The following DBNL variants were observed in gnomAD, a reference collection of about 807,000 sequenced individuals.
DBNL encodes the protein drebrin like.
Under a neutral mutation model 62.2 loss-of-function variants are expected in DBNL, and 35 were observed. That is an observed-to-expected ratio of 0.56 (90% CI 0.43 to 0.75). The LOEUF (loss-of-function observed/expected upper bound fraction) is 0.75. Ranked by LOEUF, DBNL falls within the 30% of genes least tolerant of loss-of-function variation. DBNL has a pLI of 0.00. For synonymous variants in DBNL, 197 were observed against 218.0 expected, an observed-to-expected ratio of 0.90 and a Z score of 0.85; for missense variants, 495 against 578.4, an observed-to-expected ratio of 0.86 and a Z score of 1.48.
Position 44,066,052 on chromosome 7 carries a change from TGGAGA to T in DBNL, c.*5141_*5145del, listed in dbSNP as rs1356781473. ...GGAGCTGGTGCAGACCACAGCTTTGTGGAGAGGAGTCTGGCCTTGTGGAAGGTACC... is the reference window on the plus strand; with the variant it reads ...GGAGCTGGTGCAGACCACAGCTTTGTGGAGTCTGGCCTTGTGGAAGGTACC... On this transcript the variant is annotated 3_prime_UTR_variant, in exon 13 of 13. Coordinates refer to ENST00000448521, the MANE Select transcript of DBNL (RefSeq NM_001014436.3). 6.7e-5 allele frequency: 15 copies of T among 224,802 alleles called. No individual in the cohort carries two copies. The South Asian group carries it at 9.1e-4, about 14-fold the overall frequency. The allele number at this position is 224,802 out of a possible 1,614,324, so 13.9% of individuals were successfully genotyped here. A position where few individuals can be genotyped will look rare whatever the true frequency, so the allele number is the denominator to read the frequency against.
In DBNL at chr7:44,058,183, C is replaced by T. The variant is rs761870389; in HGVS notation, c.607C>T (p.Arg203Trp). ...EEKRRAEEAQRQLEQERRERE... is the reference protein window; with the variant it reads ...EEKRRAEEAQWQLEQERRERE... ...AAAGCGGCGGGCCGAGGAGGCACAG[C>T]GGCAGCTGGAGCAGGAGCGCCGGGA... The change falls in exon 7 of 13, where the codon CGG becomes TGG. Residue 203 changes from arginine (R) to tryptophan (W), a missense_variant. By Grantham distance (101) the Arg-to-Trp change is moderately radical. Coordinates refer to ENST00000448521, the MANE Select transcript of DBNL (RefSeq NM_001014436.3). The T allele has an allele frequency of 1.2e-5, 19 of 1,556,514 alleles. No homozygotes were observed. The Admixed American group carries it at 1.4e-4, about 11-fold the overall frequency.
chr7:44,051,807 C>A (rs2096127104), intron 2 of DBNL, 23 bp from the exon 3 acceptor site: 1 of 1,612,578 alleles, frequency 6.2e-7, no homozygotes, highest in Non-Finnish European at 8.5e-7. Flanking sequence ...CCACCCCTGA[C>A]CTTCACTGTG....
At position 44,064,751 on chromosome 7, in the gene DBNL, G is replaced by T; in HGVS notation, c.*3835G>T. On this transcript the variant is annotated 3_prime_UTR_variant, in exon 13 of 13. Coordinates refer to ENST00000448521, the MANE Select transcript of DBNL (RefSeq NM_001014436.3). ...CCACGCCTAGAAAGCCTGGTCCATG[G>T]GCGAGAGACTTTGCTGAGATGAGAA... The T allele has an allele frequency of 8.0e-7, 1 of 1,251,148 alleles. No homozygotes were observed. Among genetic ancestry groups the T allele is most frequent in the Non-Finnish European group, 1.1e-6 (1 of 887,554 alleles). The allele number at this position is 1,251,148 out of a possible 1,614,324, so 77.5% of individuals were successfully genotyped here. A position where few individuals can be genotyped will look rare whatever the true frequency, so the allele number is the denominator to read the frequency against.
In DBNL at chr7:44,059,026, T is replaced by C. The variant is rs570185185; in HGVS notation, c.835+43T>C. 2.5e-6 allele frequency: 4 copies of C among 1,606,266 alleles called. No homozygotes were observed. Among genetic ancestry groups the C allele is most frequent in the South Asian group, 1.1e-5 (1 of 90,796 alleles). On this transcript the variant is annotated intron_variant, in intron 9 of 12. Transcript: ENST00000448521. This position sits in a 1 kb window ranked among gnomAD's most constrained non-coding sequence, Gnocchi z 4.1. ...GCCTGGCCATGAGGCAGCAGCAGGC[T>C]GAGGGGGAGCCTGGGGTCCTATGTG...
intron 4 of DBNL, among the ~76,000 whole-genome samples, chr7:44,055,131 T>C (rs1438066185): frequency 1.3e-5 from 2 of 152,254 alleles, no homozygotes; most frequent in Non-Finnish European, 2.9e-5. Flanking sequence ...CTAGATCATA[T>C]GGTAGTTCTG....
At chr7:44,047,782 C>T (rs993270099) in intron 1 of DBNL, among the ~76,000 whole-genome samples, 1 of 152,096 alleles carries the variant, frequency 6.6e-6, no homozygotes. Context: ...TTCAAAAGGC[C>T]TCTGAACTGG....
chr7:44,059,529 G>T lies in DBNL; in HGVS notation c.932-14G>T. 1 of 1,613,526 alleles carries T rather than the reference G, an allele frequency of 6.2e-7. No homozygotes were observed. ...ATGTGTGGGAGTGAGAACCTGCTGT[G>T]TTCCCTGGTGCAGATCTCCCTGCTG... On this transcript the variant is annotated splice_polypyrimidine_tract_variant and intron_variant, in intron 10 of 12. Coordinates refer to ENST00000448521, the MANE Select transcript of DBNL (RefSeq NM_001014436.3). This position sits in a 1 kb window ranked among gnomAD's most constrained non-coding sequence, Gnocchi z 4.1.
chr7:44,050,331 C>A (rs374262635), intron 2 of DBNL, 51 bp downstream of exon 2: 2 of 1,597,658 alleles, frequency 1.3e-6, no homozygotes, highest in Non-Finnish European at 1.7e-6. Context: ...AGGAGGGTGA[C>A]GACGAGGGGT....
chr7:44,047,756 C>T (rs1340094721), intron 1 of DBNL, among the ~76,000 whole-genome samples: 1 of 152,110 alleles, frequency 6.6e-6, no homozygotes, highest in African/African-American at 2.4e-5. Context: ...TGATTTGAAA[C>T]TTCCTTCGCC....
intron 4 of DBNL, among the ~76,000 whole-genome samples, chr7:44,055,547 C>T (rs2128792452): frequency 6.6e-6 from 1 of 152,292 alleles, no homozygotes; most frequent in South Asian, 2.1e-4. Flanking sequence ...AAGAATTTCC[C>T]TTTCTCCACA....
chr7:44,059,634 G>T lies in DBNL; in HGVS notation c.1023G>T (p.Glu341Asp). ...EAVYEEPPEQETFYEQPPLVQ... is the reference protein window; with the variant it reads ...EAVYEEPPEQDTFYEQPPLVQ... ...TGTATGAGGAACCTCCAGAGCAGGA[G>T]ACCTTCTACGAGCAGCCCCCACTGG... is the stretch of plus-strand genomic sequence containing the variant. Residue 341 changes from glutamate (E) to aspartate (D), a missense_variant, in exon 11 of 13, where the codon GAG becomes GAT. Coordinates refer to ENST00000448521, the MANE Select transcript of DBNL (RefSeq NM_001014436.3). This position sits in a 1 kb window ranked among gnomAD's most constrained non-coding sequence, Gnocchi z 4.1. The T allele has an allele frequency of 6.2e-7, 1 of 1,607,020 alleles. No individual in the cohort carries two copies. Among genetic ancestry groups the T allele is most frequent in the South Asian group, 1.1e-5 (1 of 90,750 alleles).
intron 1 of DBNL, among the ~76,000 whole-genome samples, chr7:44,049,687 G>A (rs1364266889): frequency 6.6e-6 from 1 of 152,194 alleles, no homozygotes; most frequent in East Asian, 1.9e-4. Context: ...AGAGTCTCAA[G>A]CCTGGAAGGA....
intron 2 of DBNL, chr7:44,050,878 G>A (rs1432591316): frequency 1.3e-5 from 2 of 152,656 alleles, no homozygotes; most frequent in African/African-American, 4.8e-5. Flanking sequence ...TCTGTCCTGA[G>A]CTGGACATGG....
At position 44,060,139 on chromosome 7, in the gene DBNL, A is replaced by T. The variant is rs750814459; in HGVS notation, c.1139A>T (p.Tyr380Phe). ...SGQGLCARAL[Y>F]DYQAADDTEI... is the part of the protein sequence containing the mutation. The stretch of plus-strand genomic sequence containing the variant: ...CAAGGGCTCTGTGCCCGTGCCCTGT[A>T]CGACTACCAGGCAGGTAAGGTGCCC... Residue 380 changes from tyrosine to phenylalanine, a missense_variant, in exon 12 of 13, where the codon TAC becomes TTC. Physicochemically the swap from Tyr to Phe is conservative, Grantham distance 22 (BLOSUM62 3). Transcript: ENST00000448521. This position sits in a 1 kb window ranked among gnomAD's most constrained non-coding sequence, Gnocchi z 6.3. 6 of 1,611,376 alleles carry T rather than the reference A, an allele frequency of 3.7e-6. No individual in the cohort carries two copies. In the South Asian group the frequency reaches 6.6e-5, roughly 18 times the overall value.
rs1258117026 is a variant in DBNL at position 44,060,635 on chromosome 7, C to A, written c.1154-142C>A. 2 of 1,249,868 alleles carry A rather than the reference C, an allele frequency of 1.6e-6. No individual in the cohort carries two copies. The highest frequency in any genetic ancestry group is 2.2e-6 in the Non-Finnish European group (2 of 912,230). 77.4% of individuals were successfully genotyped at this position (1,249,868 alleles called of 1,614,324 possible). A position where few individuals can be genotyped will look rare whatever the true frequency, so the allele number is the denominator to read the frequency against. On this transcript the variant is annotated intron_variant, in intron 12 of 12. Transcript: ENST00000448521. This position sits in a 1 kb window ranked among gnomAD's most constrained non-coding sequence, Gnocchi z 6.3. Reference sequence around the variant, plus strand: ...GGGTGCAGTGTTGGCCAAGGCTTAGCAGGGTGGCAGGGATATTTCTGAGGA... The same window carrying A: ...GGGTGCAGTGTTGGCCAAGGCTTAGAAGGGTGGCAGGGATATTTCTGAGGA...
Position 44,059,088 on chromosome 7 carries a change from G to A in DBNL, c.835+105G>A, listed in dbSNP as rs372710041. 6.8e-5 allele frequency: 85 copies of A among 1,251,028 alleles called. No individual in the cohort carries two copies. In the East Asian group the frequency reaches 1.5e-3, roughly 22 times the overall value. 77.5% of individuals were successfully genotyped at this position (1,251,028 alleles called of 1,614,324 possible). A position where few individuals can be genotyped will look rare whatever the true frequency, so the allele number is the denominator to read the frequency against. ...GGCTAGTGACAGATATATCGGTGAC[G>A]GGTGAGTGAGTGAGGAGAAGGGACA... On this transcript the variant is annotated intron_variant, in intron 9 of 12. Coordinates refer to ENST00000448521, the MANE Select transcript of DBNL (RefSeq NM_001014436.3). The surrounding 1 kb of genome is among the most constrained non-coding windows in gnomAD (Gnocchi z 4.1).
intron 5 of DBNL, 135 bp downstream of exon 5, chr7:44,057,038 C>A: frequency 7.6e-7 from 1 of 1,322,306 alleles, no homozygotes; most frequent in Non-Finnish European, 1.0e-6. Context: ...AACCCCTGAG[C>A]TGTGGTGATT....
chr7:44,055,184 G>A (rs1239050902), intron 4 of DBNL, among the ~76,000 whole-genome samples: 1 of 152,200 alleles, frequency 6.6e-6, no homozygotes, highest in Admixed American at 6.5e-5. Flanking sequence ...CCATACTGTT[G>A]TCTAGGCGCG....
At position 44,062,526 on chromosome 7, in the gene DBNL, A is replaced by G; in HGVS notation, c.*1610A>G. ...GGCTCTGAAGCTTCAGGGTCACCAC[A>G]GGCTTGTCCTGACTGCAAACTCATG... is the stretch of plus-strand genomic sequence containing the variant. On this transcript the variant is annotated 3_prime_UTR_variant, in exon 13 of 13. Coordinates refer to ENST00000448521, the MANE Select transcript of DBNL (RefSeq NM_001014436.3). The G allele has an allele frequency of 1.8e-6, 1 of 563,298 alleles. No homozygotes were observed. The highest frequency in any genetic ancestry group is 3.0e-5 in the East Asian group (1 of 32,870). The allele number at this position is 563,298 out of a possible 1,614,324, so 34.9% of individuals were successfully genotyped here. A position where few individuals can be genotyped will look rare whatever the true frequency, so the allele number is the denominator to read the frequency against.
Sources: gnomAD v4.1 joint callset for allele counts (sites outside exome capture counted in the v4.1 genomes callset) on GRCh38, gnomAD v4.1.1 for gene constraint, Gnocchi (gnomAD v3.1) non-coding constraint, MANE v1.5 for transcripts, NCBI Gene and HGNC (gene_info 2026-07-23, HGNC 2026-07-21) for gene names.